NSD1: variants seen among roughly 807,000 people sequenced by gnomAD.
NSD1 encodes histone-lysine N-methyltransferase, H3 lysine-36 specific.
NSD1 carries 26 observed loss-of-function variants against 242.7 expected under a neutral mutation model. The ratio of observed to expected loss-of-function variants is 0.11; its 90% CI spans 0.08 to 0.15. The LOEUF is 0.15. Among genes scored for constraint, NSD1 ranks in the 10% least tolerant of loss-of-function variants. The pLI is 1.00. For synonymous variants in NSD1, 1,106 were observed against 1,178.1 expected (o/e 0.94, Z 1.25); for missense variants, 2,495 against 3,272.8 (o/e 0.76, Z 5.80).
chr5:177,190,479 A>G (rs1581250097), intron 2 of NSD1, among the ~76,000 whole-genome samples: 1 of 151,214 alleles, frequency 6.6e-6, no homozygotes, highest in East Asian at 2.0e-4. Flanking sequence ...TAGCAGAGAC[A>G]GGGTTTCGCT....
At chr5:177,281,512 T>C (rs1366222731) in intron 18 of NSD1, among the ~76,000 whole-genome samples, 1 of 152,088 alleles carries the variant, frequency 6.6e-6, no homozygotes, top group African/African-American at 2.4e-5. Context: ...AGACGAGAGA[T>C]ATGGCCTATA....
At chr5:177,136,573 A>AAAGGTGT (rs1301394494) in intron 2 of NSD1, among the ~76,000 whole-genome samples, 1 of 151,136 alleles carries the variant, frequency 6.6e-6, no homozygotes, top group African/African-American at 2.4e-5. Flanking sequence ...AAGGTATAGC[A>AAAGGTGT]TCCTGTGCTT....
intron 2 of NSD1, among the ~76,000 whole-genome samples, chr5:177,153,737 CTT>C (rs1021984882): frequency 6.6e-6 from 1 of 152,058 alleles, no homozygotes; most frequent in African/African-American, 2.4e-5. Flanking sequence ...ACTTTAGACT[CTT>C]GTAAAAATTT....
At chr5:177,144,854 GT>G (rs1757103347) in intron 2 of NSD1, among the ~76,000 whole-genome samples, 1 of 152,104 alleles carries the variant, frequency 6.6e-6, no homozygotes, top group African/African-American at 2.4e-5. Context: ...GGCTGAGGGG[GT>G]GGATTATCTG....
At chr5:177,157,871 G>A (rs987262050) in intron 2 of NSD1, among the ~76,000 whole-genome samples, 49 of 152,090 alleles carry the variant, frequency 3.2e-4, no homozygotes, top group Non-Finnish European at 5.0e-4. Context: ...GTGGCCTTTC[G>A]TGTCTGACTT....
rs910451391 is a variant in NSD1 at position 177,204,297 on chromosome 5, G to A, written c.1236+5G>A. The stretch of plus-strand genomic sequence containing the variant: ...GAAAAAGGATATAGGCATAAGGTAG[G>A]AAACGAAAAAGGCTTTTTATTGAGT... On this transcript the variant is annotated splice_donor_5th_base_variant and intron_variant, in intron 4 of 22. Coordinates refer to ENST00000439151, the MANE Select transcript of NSD1 (RefSeq NM_022455.5). 8.1e-6 allele frequency: 13 copies of A among 1,612,648 alleles called. No individual in the cohort carries two copies. The highest frequency in any genetic ancestry group is 2.2e-5 in the East Asian group (1 of 44,870).
At chr5:177,185,443 C>A (rs1581235053) in intron 2 of NSD1, among the ~76,000 whole-genome samples, 6 of 151,298 alleles carry the variant, frequency 4.0e-5, no homozygotes, top group African/African-American at 1.5e-4. Flanking sequence ...CCTAAAAATA[C>A]AAAAATTAGC....
chr5:177,146,543 C>G (rs1003480978), intron 2 of NSD1, among the ~76,000 whole-genome samples: 3 of 152,040 alleles, frequency 2.0e-5, no homozygotes, highest in Non-Finnish European at 4.4e-5. Flanking sequence ...ATTTATCCAT[C>G]TTATTCAGAT....
intron 2 of NSD1, among the ~76,000 whole-genome samples, chr5:177,187,320 G>T (rs746559283): frequency 6.6e-6 from 1 of 151,916 alleles, no homozygotes; most frequent in Non-Finnish European, 1.5e-5. Flanking sequence ...TGCCAGGCTG[G>T]TCTTGAACTC....
intron 10 of NSD1, 159 bp from the exon 11 acceptor site, chr5:177,248,022 A>G: frequency 1.0e-6 from 1 of 985,440 alleles, no homozygotes; most frequent in Non-Finnish European, 1.2e-6. Context: ...CCGCCCAATC[A>G]CAGCAGGGTT....
intron 2 of NSD1, among the ~76,000 whole-genome samples, chr5:177,170,595 C>T (rs965815530): frequency 5.3e-5 from 8 of 151,906 alleles, no homozygotes; most frequent in South Asian, 2.1e-4. Context: ...TCAGGCAATC[C>T]GCCTGCCTCA....
Position 177,210,873 on chromosome 5 carries a change from C to T in NSD1, c.2474C>T (p.Ala825Val), listed in dbSNP as rs755305792. 2.5e-6 allele frequency: 4 copies of T among 1,614,134 alleles called. No homozygotes were observed. Among genetic ancestry groups the T allele is most frequent in the Admixed American group, 1.7e-5 (1 of 60,002 alleles). ...TCTGATACCAAAGGCTCTCCTTTGG[C>T]CAGCATTTCTAAAAGTGGGAAAGTG... ...CSSDTKGSPL[A>V]SISKSGKVDG... Residue 825 changes from alanine (A) to valine (V), a missense_variant, in exon 5 of 23, where the codon GCC (alanine) becomes GTC (valine). Coordinates refer to ENST00000439151, the MANE Select transcript of NSD1 (RefSeq NM_022455.5).
intron 16 of NSD1, among the ~76,000 whole-genome samples, chr5:177,271,400 C>G (rs1757933001): frequency 6.6e-6 from 1 of 152,012 alleles, no homozygotes; most frequent in East Asian, 1.9e-4. Context: ...TTATGATAAC[C>G]CTATGAGGTG....
At position 177,192,003 on chromosome 5, in the gene NSD1, A is replaced by G. The variant is rs1581254386; in HGVS notation, c.1047A>G (p.Thr349=). 6.2e-7 allele frequency: 1 copy of G among 1,614,138 alleles called. No homozygotes were observed. The highest frequency in any genetic ancestry group is 8.5e-7 in the Non-Finnish European group (1 of 1,180,002). The change falls in exon 3 of 23, where the codon ACA becomes ACG. Residue 349 remains threonine, a synonymous_variant. Transcript: ENST00000439151. The part of the protein sequence containing the change: ...CRICSDPLIN[T]HSKMKVSNRR... ...TTTGTTCTGATCCGTTGATTAACAC[A>G]CATTCAAAAATGAAAGGTAATACTT...
rs1228027895 is a variant in NSD1 at position 177,280,507 on chromosome 5, A to T, written c.5623-58A>T. The stretch of plus-strand genomic sequence containing the variant: ...GGAAAAAAAGTTTGCCTTTTTCAGG[A>T]CGTGAATTGTCTTCTGCTGACTTGT... On this transcript the variant is annotated intron_variant, in intron 17 of 22. Transcript: ENST00000439151. The T allele has an allele frequency of 8.7e-6, 14 of 1,611,254 alleles. No individual in the cohort carries two copies. The East Asian group carries it at 2.7e-4, about 31-fold the overall frequency.
intron 5 of NSD1, among the ~76,000 whole-genome samples, chr5:177,235,611 A>G (rs1315410596): frequency 6.6e-6 from 1 of 152,144 alleles, no homozygotes; most frequent in African/African-American, 2.4e-5. Context: ...TTGTGTATAT[A>G]AGGTAACACA....
intron 8 of NSD1, among the ~76,000 whole-genome samples, chr5:177,241,417 A>C (rs894120132): frequency 1.3e-5 from 2 of 151,896 alleles, no homozygotes; most frequent in African/African-American, 4.8e-5. Context: ...AGACAGGAGA[A>C]TTGCTGGAAC....
chr5:177,213,122 C>G (rs1447598063), intron 5 of NSD1, among the ~76,000 whole-genome samples: 1 of 152,150 alleles, frequency 6.6e-6, no homozygotes, highest in African/African-American at 2.4e-5. Context: ...AAGTGTTGTA[C>G]CTAGCAGCAG....
chr5:177,260,030 G>A lies in NSD1; in HGVS notation c.5008G>A (p.Ala1670Thr), dbSNP rs1164947711. Residue 1670 changes from alanine (A) to threonine (T), a missense_variant, in exon 14 of 23, where the codon GCC becomes ACC. By Grantham distance (58) the Ala-to-Thr change is moderately conservative. Coordinates refer to ENST00000439151, the MANE Select transcript of NSD1 (RefSeq NM_022455.5). Reference sequence around the variant, plus strand: ...TGTCCGCTGTCCTGTGGCATACCACGCCAATGACTTTTGCCTGGCTGCTGG... The same window carrying A: ...TGTCCGCTGTCCTGTGGCATACCACACCAATGACTTTTGCCTGGCTGCTGG... Reference protein sequence around the residue: ...RCVRCPVAYHANDFCLAAGSK... With the variant: ...RCVRCPVAYHTNDFCLAAGSK... 6 of 1,614,098 alleles carry A rather than the reference G, an allele frequency of 3.7e-6. No individual in the cohort carries two copies. Among genetic ancestry groups the A allele is most frequent in the Non-Finnish European group, 5.1e-6 (6 of 1,180,036 alleles).
Sources: gnomAD v4.1 joint callset for allele counts (sites outside exome capture counted in the v4.1 genomes callset) on GRCh38, gnomAD v4.1.1 for gene constraint, MANE v1.5 for transcripts, NCBI Gene and HGNC (gene_info 2026-07-23, HGNC 2026-07-21) for gene names.